The following CASP9 variants were observed in gnomAD, a reference collection of about 807,000 sequenced individuals.
CASP9 encodes caspase-9.
Under a neutral mutation model 43.5 loss-of-function variants are expected in CASP9, and 29 were observed. The ratio of observed to expected loss-of-function variants is 0.67; its 90% CI spans 0.50 to 0.91. The LOEUF is 0.91. Among genes scored for constraint, CASP9 ranks in the 40% least tolerant of loss-of-function variants. The pLI is 0.00. For missense variants in CASP9, 575 were observed against 537.4 expected (o/e 1.07, Z -0.69); for synonymous variants, 206 against 211.9 (o/e 0.97, Z 0.24).
At position 15,521,827 on chromosome 1, in the gene CASP9, G is replaced by A. The variant is rs138565577; in HGVS notation, c.132+2242C>T. ...TTTATTTCTACGATCTCTCATCTCCGCACACGAGGAGAAAAACCCACAGGC... is the reference window on the plus strand; with the variant it reads ...TTTATTTCTACGATCTCTCATCTCCACACACGAGGAGAAAAACCCACAGGC... On this transcript the variant is annotated intron_variant, in intron 1 of 8. Transcript: ENST00000333868. Among the ~76,000 whole-genome samples, 390 of 151,970 alleles carry A rather than the reference G, an allele frequency of 2.6e-3. 4 individuals are homozygous for A. The highest frequency in any genetic ancestry group is 8.8e-3 in the African/African-American group (366 of 41,412).
chr1:15,501,069 A>T (rs1709311366), intron 6 of CASP9, among the ~76,000 whole-genome samples: 2 of 152,234 alleles, frequency 1.3e-5, no homozygotes, highest in Non-Finnish European at 2.9e-5. Context: ...CCCGTAGGGC[A>T]GGACTCATTC....
At position 15,495,329 on chromosome 1, in the gene CASP9, GC is replaced by G; in HGVS notation, c.991del (p.Ala331ProfsTer63). The stretch of plus-strand genomic sequence containing the variant: ...ACTGGGTGTGGGCAAACTAGATATG[GC>G]GTCCAGCTGGTCGAAGGTCCTCAAA... The part of the protein sequence containing the change: ...EGLRTFDQLD[A>X]ISSLPTPSDI... On this transcript the variant is annotated frameshift_variant, in exon 7 of 9. Coordinates refer to ENST00000333868, the MANE Select transcript of CASP9 (RefSeq NM_001229.5). LOFTEE classifies it high-confidence loss of function. 1 of 1,611,048 alleles carries G rather than the reference GC, an allele frequency of 6.2e-7. No homozygotes were observed. The highest frequency in any genetic ancestry group is 2.2e-5 in the East Asian group (1 of 44,730).
intron 8 of CASP9, 195 bp downstream of exon 8, chr1:15,493,697 G>T: frequency 6.8e-7 from 1 of 1,467,982 alleles, no homozygotes; most frequent in South Asian, 1.4e-5. Context: ...TTGAATAAAG[G>T]GCAAACGTCA....
At chr1:15,498,599 T>C (rs928359674) in intron 6 of CASP9, among the ~76,000 whole-genome samples, 2 of 152,130 alleles carry the variant, frequency 1.3e-5, no homozygotes, top group African/African-American at 4.8e-5. Context: ...TCAAACCCTT[T>C]ACTCAGGCTG....
At chr1:15,497,079 G>A (rs181767750) in intron 6 of CASP9, among the ~76,000 whole-genome samples, 5 of 151,994 alleles carry the variant, frequency 3.3e-5, no homozygotes, top group African/African-American at 1.2e-4. Context: ...GGAGGCCAAG[G>A]CAGGCAGATC....
At chr1:15,496,026 G>A (rs567666376) in intron 6 of CASP9, among the ~76,000 whole-genome samples, 2 of 152,182 alleles carry the variant, frequency 1.3e-5, no homozygotes, top group African/African-American at 4.8e-5. Context: ...CTTTAAATTT[G>A]GAACCCTAAA....
chr1:15,491,881 C>T lies in CASP9; in HGVS notation c.*1062G>A, dbSNP rs191667656. ...TGCACAGCACGTTCACACTGCAGTC[C>T]GGGGGTGCTTCAGCAAGTAAGGCAC... On this transcript the variant is annotated 3_prime_UTR_variant, in exon 9 of 9. Transcript: ENST00000333868. 15 of 153,780 alleles carry T rather than the reference C, an allele frequency of 9.8e-5. 1 individual carries two copies. The East Asian group carries it at 2.9e-3, about 29-fold the overall frequency. The allele number at this position is 153,780 out of a possible 1,614,324, so 9.5% of individuals were successfully genotyped here.
intron 6 of CASP9, among the ~76,000 whole-genome samples, chr1:15,498,732 T>A (rs1709207268): frequency 6.7e-6 from 1 of 149,872 alleles, no homozygotes; most frequent in Non-Finnish European, 1.5e-5. Flanking sequence ...CCATGGATCT[T>A]GAAAGTGATC....
intron 2 of CASP9, among the ~76,000 whole-genome samples, chr1:15,508,448 T>C (rs1463543704): frequency 1.3e-5 from 2 of 152,152 alleles, no homozygotes; most frequent in African/African-American, 2.4e-5. Context: ...GTTTCACTCT[T>C]GTCGCCCAGG....
intron 1 of CASP9, 73 bp from the exon 2 acceptor site, chr1:15,518,468 C>T: frequency 6.7e-7 from 1 of 1,493,482 alleles, no homozygotes. Flanking sequence ...CTCCCCATTT[C>T]CCAGCTACTG....
chr1:15,491,493 C>A lies in CASP9; in HGVS notation c.*1450G>T, dbSNP rs1570816333. 1.3e-6 allele frequency: 1 copy of A among 792,030 alleles called. No individual in the cohort carries two copies. The highest frequency in any genetic ancestry group is 2.0e-6 in the Non-Finnish European group (1 of 502,126). The allele number at this position is 792,030 out of a possible 1,614,324, so 49.1% of individuals were successfully genotyped here. On this transcript the variant is annotated 3_prime_UTR_variant, in exon 9 of 9. Transcript: ENST00000333868. Reference sequence around the variant, plus strand: ...CAGAAATAGGTCAGGCGCAATGGCTCAAGCCTGTAACCCCTGCACTTTGGG... The same window carrying A: ...CAGAAATAGGTCAGGCGCAATGGCTAAAGCCTGTAACCCCTGCACTTTGGG...
At chr1:15,504,789 CAAG>C (rs747645000) in intron 5 of CASP9, 31 bp from the exon 6 acceptor site, 1 of 1,596,068 alleles carries the variant, frequency 6.3e-7, no homozygotes, top group South Asian at 1.1e-5. Context: ...GTTACAAAAC[CAAG>C]AAGTTGGAGT....
At chr1:15,508,931 C>T (rs1336369125) in intron 2 of CASP9, among the ~76,000 whole-genome samples, 1 of 152,216 alleles carries the variant, frequency 6.6e-6, no homozygotes, top group African/African-American at 2.4e-5. Context: ...AGGTAGAGAA[C>T]CCATCTGCAT....
At position 15,495,934 on chromosome 1, in the gene CASP9, C is replaced by T. The variant is rs571792897; in HGVS notation, c.869-482G>A. 2.0e-5 allele frequency among the ~76,000 whole-genome samples: 3 copies of T among 152,294 alleles called. No homozygotes were observed. In the South Asian group the frequency reaches 6.2e-4, roughly 32 times the overall value. On this transcript the variant is annotated intron_variant, in intron 6 of 8. Transcript: ENST00000333868. ...ACGTAAAAATGCAAATTCACTGAGCCAGACAAATGCTTGAATGACTATTTC... is the reference window on the plus strand; with the variant it reads ...ACGTAAAAATGCAAATTCACTGAGCTAGACAAATGCTTGAATGACTATTTC...
chr1:15,509,646 AAAAG>A (rs1330067772), intron 2 of CASP9, among the ~76,000 whole-genome samples: 1 of 151,692 alleles, frequency 6.6e-6, no homozygotes, highest in African/African-American at 2.4e-5. Flanking sequence ...AAAAAAAAAA[AAAAG>A]AAAGAAAACG....
chr1:15,521,575 C>G (rs957772450), intron 1 of CASP9, among the ~76,000 whole-genome samples: 10 of 152,210 alleles, frequency 6.6e-5, no homozygotes, highest in African/African-American at 2.4e-4. Context: ...GCTGCCTTCT[C>G]TCTCTGCTTC....
upstream of CASP9, chr1:15,524,587 C>CGTCCCCGCACTGACCTCAT: frequency 1.0e-6 from 1 of 966,584 alleles, no homozygotes; most frequent in Non-Finnish European, 1.3e-6. Flanking sequence ...ACTGACCTCA[C>CGTCCCCGCACTGACCTCAT]GTCACCGCCC....
intron 6 of CASP9, among the ~76,000 whole-genome samples, chr1:15,498,742 CTTTTTTTT>C (rs1218849159): frequency 1.2e-5 from 1 of 83,494 alleles, no homozygotes; most frequent in Non-Finnish European, 2.1e-5. Flanking sequence ...TGAAAGTGAT[CTTTTTTTT>C]TTTTTTTTTT....
intron 2 of CASP9, among the ~76,000 whole-genome samples, chr1:15,517,278 A>G (rs1709987649): frequency 6.6e-6 from 1 of 152,216 alleles, no homozygotes. Flanking sequence ...CAACAATATG[A>G]ATGAATTTCA....
Sources: allele counts gnomAD v4.1 joint callset (sites outside exome capture counted in the v4.1 genomes callset), GRCh38; gene constraint gnomAD v4.1.1; transcripts MANE v1.5; gene names NCBI Gene and HGNC (gene_info 2026-07-23, HGNC 2026-07-21).